Variants in DLG1 observed in about 807,000 individuals in gnomAD.
The protein encoded by DLG1 is discs large MAGUK scaffold protein 1, also known as disks large homolog 1.
A neutral mutation model predicts 123.4 loss-of-function variants in DLG1; 42 were observed. The ratio of observed to expected loss-of-function variants is 0.34; its 90% CI spans 0.27 to 0.44. DLG1 has a LOEUF of 0.44. DLG1 is among the 20% of genes least tolerant of loss of function. The pLI is 1.00. For synonymous variants in DLG1, 317 were observed against 356.2 expected, an observed-to-expected ratio of 0.89 and a Z score of 1.24; for missense variants, 942 against 1,082.6, an observed-to-expected ratio of 0.87 and a Z score of 1.82.
chr3:197,207,739 T>C lies in DLG1; in HGVS notation c.319-13150A>G, dbSNP rs1402143213. On this transcript the variant is annotated intron_variant, in intron 4 of 24. Transcript: ENST00000667157. ...ATTTGGTACTATTTTTAATAAAGTT[T>C]ATATCTTCAACCAATATCATTGGTT... Among the ~76,000 whole-genome samples the C allele has an allele frequency of 4.3e-5, 5 of 115,912 alleles. 1 individual carries two copies. In the Admixed American group the frequency reaches 4.4e-4, roughly 10 times the overall value. The allele number at this position is 115,912 out of a possible 152,430, so 76.0% of individuals were successfully genotyped here.
At chr3:197,265,583 T>C (rs1221567796) in intron 4 of DLG1, among the ~76,000 whole-genome samples, 4 of 152,142 alleles carry the variant, frequency 2.6e-5, no homozygotes, top group African/African-American at 9.7e-5. Flanking sequence ...GTCTTCAGAT[T>C]AGTTTTGATC....
intron 4 of DLG1, among the ~76,000 whole-genome samples, chr3:197,204,497 G>C (rs1462073489): frequency 1.3e-5 from 2 of 152,142 alleles, no homozygotes; most frequent in Non-Finnish European, 2.9e-5. Flanking sequence ...AATAAAATTA[G>C]CTATTATATA....
rs1741154397 is a variant in DLG1, at chr3:197,228,522, T to C, written c.319-33933A>G. ...GGAATTAACCAGTGTTTCTTGTCTG[T>C]TTTTTTAGTAAACTGAATGAATGAG... On this transcript the variant is annotated intron_variant, in intron 4 of 24. Transcript: ENST00000667157. 2.0e-5 allele frequency among the ~76,000 whole-genome samples: 3 copies of C among 151,938 alleles called. No individual in the cohort carries two copies. In the South Asian group the frequency reaches 6.2e-4, roughly 31 times the overall value.
rs138520484 is a variant in DLG1 at position 197,179,641 on chromosome 3, CACTT to C, written c.483+14780_483+14783del. 8.4e-3 allele frequency among the ~76,000 whole-genome samples: 1,280 copies of C among 152,204 alleles called. 18 individuals are homozygous for C. The highest frequency in any genetic ancestry group is 0.029 in the African/African-American group (1,205 of 41,554). On this transcript the variant is annotated intron_variant, in intron 5 of 24. Coordinates refer to ENST00000667157, the MANE Select transcript of DLG1 (RefSeq NM_001366207.1). ...ACAGGGGCACCTAACTCTAATGTAGCACTTACTCTGTGTCAGATGCTGTCCTAAG... is the reference window on the plus strand; with the variant it reads ...ACAGGGGCACCTAACTCTAATGTAGCACTCTGTGTCAGATGCTGTCCTAAG...
intron 13 of DLG1, among the ~76,000 whole-genome samples, chr3:197,111,740 G>A (rs1417085289): frequency 1.3e-5 from 2 of 152,184 alleles, no homozygotes; most frequent in East Asian, 3.8e-4. Context: ...CCACAAGTTA[G>A]TGTCACCTGC....
intron 13 of DLG1, among the ~76,000 whole-genome samples, chr3:197,113,802 T>C (rs1771495217): frequency 6.6e-6 from 1 of 152,044 alleles, no homozygotes; most frequent in Non-Finnish European, 1.5e-5. Context: ...CAGTTATAGG[T>C]AAGGTATAGA....
At chr3:197,076,012 A>C (rs998586307) in intron 18 of DLG1, 1 of 533,972 alleles carries the variant, frequency 1.9e-6, no homozygotes, top group African/African-American at 2.0e-5. Flanking sequence ...GCATTTTTAC[A>C]TATTTCTAGA....
chr3:197,172,718 C>A (rs1024917999), intron 5 of DLG1, among the ~76,000 whole-genome samples: 3 of 152,106 alleles, frequency 2.0e-5, no homozygotes, highest in African/African-American at 7.2e-5. Flanking sequence ...CAGCCACCAC[C>A]AATCAGAAGG....
At chr3:197,083,409 T>TTAC (rs1162659815) in intron 16 of DLG1, among the ~76,000 whole-genome samples, 1 of 152,180 alleles carries the variant, frequency 6.6e-6, no homozygotes, top group Non-Finnish European at 1.5e-5. Context: ...GCTGGCTATC[T>TTAC]TACTACTACT....
intron 1 of DLG1, 121 bp from the exon 2 acceptor site, chr3:197,297,356 G>A (rs987986269): frequency 1.2e-5 from 17 of 1,477,276 alleles, no homozygotes; most frequent in African/African-American, 8.5e-5. Flanking sequence ...GTTTTACCAA[G>A]TCAAAGAAAG....
chr3:197,109,410 T>C (rs1454209376), intron 13 of DLG1, among the ~76,000 whole-genome samples: 1 of 152,226 alleles, frequency 6.6e-6, no homozygotes, highest in Non-Finnish European at 1.5e-5. Context: ...AAGAACCTAG[T>C]TTCTTTACCC....
At chr3:197,293,255 C>T (rs1161777263) in intron 3 of DLG1, among the ~76,000 whole-genome samples, 1 of 152,092 alleles carries the variant, frequency 6.6e-6, no homozygotes, top group Non-Finnish European at 1.5e-5. Flanking sequence ...TGTTAAGATA[C>T]AACTTTAAAT....
At chr3:197,046,774 GTGGGAGGATCACTTGAGCC>G (rs1190710344) in intron 24 of DLG1, among the ~76,000 whole-genome samples, 2 of 152,038 alleles carry the variant, frequency 1.3e-5, no homozygotes, top group African/African-American at 4.8e-5. Flanking sequence ...GGAGGCTGAG[GTGGGAGGATCACTTGAGCC>G]TGGGAGGTGG....
rs201947114 is a variant in DLG1 at position 197,131,475 on chromosome 3, G to GTA, written c.1021-806_1021-805dup. On this transcript the variant is annotated intron_variant, in intron 10 of 24. Coordinates refer to ENST00000667157, the MANE Select transcript of DLG1 (RefSeq NM_001366207.1). ...ATATAACTGATTTTTAGGTAGTGAT[G>GTA]TATCCTGCAACCAATACTAAACTAA... Among the ~76,000 whole-genome samples the GTA allele has an allele frequency of 8.7e-3, 1,295 of 149,686 alleles. 37 individuals are homozygous for GTA. In the East Asian group the frequency reaches 0.1, roughly 12 times the overall value.
intron 5 of DLG1, among the ~76,000 whole-genome samples, chr3:197,168,267 G>GC (rs1450794869): frequency 2.0e-5 from 3 of 152,116 alleles, no homozygotes; most frequent in Non-Finnish European, 4.4e-5. Context: ...AAGAACATAG[G>GC]CCCCTGCCTC....
intron 4 of DLG1, among the ~76,000 whole-genome samples, chr3:197,271,679 T>C (rs924206903): frequency 1.3e-5 from 2 of 152,196 alleles, no homozygotes; most frequent in African/African-American, 4.8e-5. Context: ...CAATTTTGAA[T>C]AGAGATTGGA....
intron 7 of DLG1, 146 bp from the exon 8 acceptor site, chr3:197,140,410 A>T: frequency 1.3e-6 from 1 of 777,730 alleles, no homozygotes; most frequent in East Asian, 2.9e-5. Context: ...ATTCTAAATT[A>T]AATGGACTTG....
chr3:197,080,919 G>A, intron 17 of DLG1, 132 bp downstream of exon 17: 2 of 686,146 alleles, frequency 2.9e-6, no homozygotes. Flanking sequence ...TTTAACAAAT[G>A]CTTAAGTATC....
chr3:197,236,319 T>C (rs986141345), intron 4 of DLG1, among the ~76,000 whole-genome samples: 4 of 150,852 alleles, frequency 2.7e-5, no homozygotes, highest in Non-Finnish European at 5.9e-5. Flanking sequence ...TCTCAAAAAT[T>C]AAAAAAAAGA....
Sources: allele counts gnomAD v4.1 joint callset (sites outside exome capture counted in the v4.1 genomes callset), GRCh38; gene constraint gnomAD v4.1.1; transcripts MANE v1.5; gene names NCBI Gene and HGNC (gene_info 2026-07-23, HGNC 2026-07-21).